The following RBKS variants were observed in gnomAD, a reference collection of about 807,000 sequenced individuals.
RBKS encodes the protein ribokinase.
RBKS carries 33 observed loss-of-function variants against 33.9 expected under a neutral mutation model. The observed-to-expected ratio is 0.97, with a 90% CI of 0.74 to 1.30. The LOEUF (loss-of-function observed/expected upper bound fraction) is 1.30, where lower values mean the gene tolerates loss of function less well. Among genes scored for constraint, RBKS ranks in the 50% most tolerant of loss-of-function variants. RBKS has a pLI of 0.00. For missense variants in RBKS, 361 were observed against 392.6 expected (o/e 0.92, Z 0.68); for synonymous variants, 125 against 143.0 (o/e 0.87, Z 0.90).
At chr2:27,813,412 G>T (rs1678028973) in intron 7 of RBKS, among the ~76,000 whole-genome samples, 1 of 152,136 alleles carries the variant, frequency 6.6e-6, no homozygotes, top group Non-Finnish European at 1.5e-5. Flanking sequence ...TCTACCATAT[G>T]AAAGAATGGA....
At chr2:27,840,327 TACACACACAC>T (rs544313433) in intron 5 of RBKS, among the ~76,000 whole-genome samples, 7 of 117,810 alleles carry the variant, frequency 5.9e-5, no homozygotes, top group Non-Finnish European at 8.8e-5. Context: ...GATGATGCAT[TACACACACAC>T]ACACACACAC....
chr2:27,823,044 G>A (rs1678240926), intron 7 of RBKS, among the ~76,000 whole-genome samples: 1 of 152,186 alleles, frequency 6.6e-6, no homozygotes, highest in Admixed American at 6.5e-5. Context: ...GCTTAGGTGT[G>A]TGTCTCTGAC....
chr2:27,856,706 C>T (rs56126232), intron 2 of RBKS, among the ~76,000 whole-genome samples: 12,427 of 152,152 alleles, frequency 0.082, 806 homozygotes, highest in African/African-American at 0.17. Flanking sequence ...CTCTTCCCAG[C>T]GAAGCCATTT....
intron 7 of RBKS, among the ~76,000 whole-genome samples, chr2:27,793,653 C>T (rs994925416): frequency 3.9e-5 from 6 of 152,188 alleles, no homozygotes; most frequent in African/African-American, 9.7e-5. Flanking sequence ...TAAAGTAACA[C>T]GTAGTCTTGG....
intron 7 of RBKS, among the ~76,000 whole-genome samples, chr2:27,800,961 G>A (rs1446411980): frequency 6.6e-6 from 1 of 152,212 alleles, no homozygotes; most frequent in Non-Finnish European, 1.5e-5. Flanking sequence ...TCTGGACAGA[G>A]GCCTAGAGCT....
intron 7 of RBKS, among the ~76,000 whole-genome samples, chr2:27,815,777 C>T (rs959699004): frequency 1.3e-5 from 2 of 152,108 alleles, no homozygotes; most frequent in Non-Finnish European, 2.9e-5. Context: ...AAGCAAGCTC[C>T]CATAACCTTA....
intron 2 of RBKS, among the ~76,000 whole-genome samples, chr2:27,855,230 TAG>T (rs1051404048): frequency 1.3e-5 from 2 of 152,258 alleles, no homozygotes; most frequent in Non-Finnish European, 2.9e-5. Flanking sequence ...CTACCTGTAT[TAG>T]AGAGTTTGAT....
At chr2:27,805,460 A>C (rs1005453692) in intron 7 of RBKS, among the ~76,000 whole-genome samples, 8 of 152,362 alleles carry the variant, frequency 5.3e-5, no homozygotes, top group Non-Finnish European at 1.2e-4. Context: ...TGTTCCAGGC[A>C]TAAGAGCTTC....
chr2:27,805,007 T>C (rs1677869243), intron 7 of RBKS, among the ~76,000 whole-genome samples: 1 of 151,180 alleles, frequency 6.6e-6, no homozygotes, highest in Non-Finnish European at 1.5e-5. Context: ...AGTGAGACCT[T>C]GTCTTAAAAA....
intron 7 of RBKS, among the ~76,000 whole-genome samples, chr2:27,805,442 G>A (rs1350599495): frequency 6.6e-6 from 1 of 152,224 alleles, no homozygotes; most frequent in African/African-American, 2.4e-5. Flanking sequence ...CACTGCTGGT[G>A]TGTGCCATGT....
chr2:27,832,890 T>A (rs2148205487), intron 5 of RBKS, 113 bp from the exon 6 acceptor site: 1 of 711,112 alleles, frequency 1.4e-6, no homozygotes, highest in Non-Finnish European at 2.5e-6. Flanking sequence ...TTCATCTGGT[T>A]AAATATCCAC....
chr2:27,872,252 A>T (rs370145777), intron 1 of RBKS, among the ~76,000 whole-genome samples: 17 of 152,226 alleles, frequency 1.1e-4, no homozygotes, highest in African/African-American at 3.1e-4. Flanking sequence ...GTTTATTGTA[A>T]CGTAACACAT....
intron 1 of RBKS, among the ~76,000 whole-genome samples, chr2:27,883,551 T>C (rs1198886485): frequency 6.6e-6 from 1 of 152,102 alleles, no homozygotes; most frequent in Non-Finnish European, 1.5e-5. Context: ...TTCAGCATTA[T>C]AAACAAGTCA....
intron 1 of RBKS, among the ~76,000 whole-genome samples, chr2:27,875,864 T>C (rs549875017): frequency 6.6e-6 from 1 of 152,166 alleles, no homozygotes; most frequent in South Asian, 2.1e-4. Context: ...AACGTATACT[T>C]AGACATGACA....
At chr2:27,782,754 CTCTT>C (rs1677313046) in intron 7 of RBKS, 1 of 325,904 alleles carries the variant, frequency 3.1e-6, no homozygotes, top group Non-Finnish European at 6.8e-6. Flanking sequence ...TCATGTTGTA[CTCTT>C]TGTTTCTTTA....
chr2:27,873,226 TA>T (rs1266780076), intron 1 of RBKS, among the ~76,000 whole-genome samples: 4 of 152,154 alleles, frequency 2.6e-5, no homozygotes, highest in African/African-American at 9.7e-5. Flanking sequence ...ACCAGTTAAA[TA>T]ATGCAGTTTC....
At chr2:27,842,537 A>G (rs9678336) in intron 5 of RBKS, among the ~76,000 whole-genome samples, 50,627 of 152,092 alleles carry the variant, frequency 0.33, 9,995 homozygotes, top group East Asian at 0.63. Context: ...GGGCTGCCCC[A>G]GTTACTTTTG....
chr2:27,825,169 C>T (rs1318691406), intron 7 of RBKS, among the ~76,000 whole-genome samples: 1 of 151,926 alleles, frequency 6.6e-6, no homozygotes, highest in East Asian at 1.9e-4. Flanking sequence ...TAGATATTAT[C>T]TCTTGAGTTC....
At chr2:27,881,709 C>G (rs1664420093) in intron 1 of RBKS, among the ~76,000 whole-genome samples, 1 of 152,000 alleles carries the variant, frequency 6.6e-6, no homozygotes, top group Non-Finnish European at 1.5e-5. Flanking sequence ...GGTACTGGTA[C>G]AAAAACAGAC....
Sources: gnomAD v4.1 joint callset for allele counts (sites outside exome capture counted in the v4.1 genomes callset) on GRCh38, gnomAD v4.1.1 for gene constraint, MANE v1.5 for transcripts, NCBI Gene and HGNC (gene_info 2026-07-23, HGNC 2026-07-21) for gene names.